The following DYM variants were observed in gnomAD, a reference collection of about 807,000 sequenced individuals.
DYM encodes dyggve-Melchior-Clausen syndrome protein.
Under a neutral mutation model 93.1 loss-of-function variants are expected in DYM, and 78 were observed. That is an observed-to-expected ratio of 0.84 (90% CI 0.70 to 1.01). The LOEUF (loss-of-function observed/expected upper bound fraction) is 1.01. Ranked by LOEUF, DYM falls within the 50% of genes least tolerant of loss-of-function variation. The pLI, the probability that DYM is intolerant of heterozygous loss-of-function variation, is 0.00. For synonymous variants in DYM, 321 were observed against 319.7 expected (o/e 1.00, Z -0.04); for missense variants, 789 against 845.0 (o/e 0.93, Z 0.82).
chr18:49,049,612 T>C (rs2072118484), intron 17 of DYM: 1 of 152,930 alleles, frequency 6.5e-6, no homozygotes, highest in Non-Finnish European at 1.5e-5. Context: ...ACAGAGTAAG[T>C]ACTTAATGAA....
chr18:49,298,249 C>A (rs1410076628), intron 8 of DYM, among the ~76,000 whole-genome samples: 1 of 152,130 alleles, frequency 6.6e-6, no homozygotes, highest in Non-Finnish European at 1.5e-5. Context: ...AAACTCATAG[C>A]ACAGTAAAAC....
intron 17 of DYM, among the ~76,000 whole-genome samples, chr18:49,050,638 CAGCCCAG>C (rs2072308847): frequency 6.6e-6 from 1 of 152,052 alleles, no homozygotes; most frequent in African/African-American, 2.4e-5. Flanking sequence ...AGTTCACAGA[CAGCCCAG>C]TAGGAAGCTC....
At chr18:49,314,459 C>T (rs945075125) in intron 8 of DYM, among the ~76,000 whole-genome samples, 6 of 152,122 alleles carry the variant, frequency 3.9e-5, no homozygotes, top group East Asian at 3.9e-4. Context: ...TACACACGTG[C>T]GAATTCCTAT....
chr18:49,240,234 C>T (rs1275427454), intron 13 of DYM, among the ~76,000 whole-genome samples: 1 of 152,148 alleles, frequency 6.6e-6, no homozygotes, highest in South Asian at 2.1e-4. Context: ...CCTATCTCAT[C>T]CTGAAAGGGC....
intron 12 of DYM, 92 bp downstream of exon 12, chr18:49,258,288 A>T: frequency 1.2e-6 from 1 of 859,430 alleles, no homozygotes; most frequent in South Asian, 1.4e-5. Context: ...ATGTCACGAG[A>T]ATTTTAGCAT....
At chr18:49,077,241 T>C (rs2077380406) in intron 17 of DYM, among the ~76,000 whole-genome samples, 1 of 152,218 alleles carries the variant, frequency 6.6e-6, no homozygotes, top group Non-Finnish European at 1.5e-5. Flanking sequence ...GAAAGCCCCT[T>C]CCTGTGCCTT....
chr18:49,338,034 A>G (rs1197448543), intron 6 of DYM, among the ~76,000 whole-genome samples: 2 of 152,232 alleles, frequency 1.3e-5, no homozygotes, highest in East Asian at 3.8e-4. Context: ...TGGAAAAAGT[A>G]TGTATATATT....
Position 49,386,431 on chromosome 18 carries a change from C to T in DYM, c.193+5162G>A, listed in dbSNP as rs181452626. 1.7e-4 allele frequency among the ~76,000 whole-genome samples: 26 copies of T among 152,286 alleles called. No homozygotes were observed. In the East Asian group the frequency reaches 5.0e-3, roughly 29 times the overall value. ...CATCAGTGATAAGTCATATTAATAGCATGTCCCCTTGATACGGTGTGTTGA... is the reference window on the plus strand; with the variant it reads ...CATCAGTGATAAGTCATATTAATAGTATGTCCCCTTGATACGGTGTGTTGA... On this transcript the variant is annotated intron_variant, in intron 3 of 17. Transcript: ENST00000675505.
chr18:49,090,670 A>G (rs1353239820), intron 17 of DYM, among the ~76,000 whole-genome samples: 1 of 152,180 alleles, frequency 6.6e-6, no homozygotes, highest in Admixed American at 6.5e-5. Flanking sequence ...TTGGACTCTC[A>G]TAGAGCCTGA....
In DYM at chr18:49,361,212, T is replaced by C. The variant is rs146273542; in HGVS notation, c.494+1949A>G. On this transcript the variant is annotated intron_variant, in intron 6 of 17. Coordinates refer to ENST00000675505, the MANE Select transcript of DYM (RefSeq NM_001353214.3). ...TTGAATGGGAAATTGTCCCATTTCC[T>C]TCCCTAGGCAATGACTCTTCAGCTG... Among the ~76,000 whole-genome samples the C allele has an allele frequency of 4.6e-3, 706 of 152,338 alleles. 6 individuals carry two copies. The highest frequency in any genetic ancestry group is 4.4e-3 in the Non-Finnish European group (299 of 68,024).
chr18:49,390,564 G>C (rs975816635), intron 3 of DYM, among the ~76,000 whole-genome samples: 1 of 151,794 alleles, frequency 6.6e-6, no homozygotes, highest in African/African-American at 2.4e-5. Context: ...CTGGAGTGCA[G>C]TGGCGCGATC....
At chr18:49,407,629 G>C (rs943715691) in intron 2 of DYM, among the ~76,000 whole-genome samples, 9 of 152,168 alleles carry the variant, frequency 5.9e-5, no homozygotes. Flanking sequence ...TCATCATCAG[G>C]GGATGGCGCT....
intron 8 of DYM, among the ~76,000 whole-genome samples, chr18:49,299,936 G>C (rs573987207): frequency 1.1e-4 from 16 of 150,858 alleles, no homozygotes; most frequent in Admixed American, 9.9e-4. Context: ...CCAGCTACTC[G>C]GGAGGCTGAA....
chr18:49,111,862 T>C (rs1035268203), intron 16 of DYM, among the ~76,000 whole-genome samples: 2 of 152,170 alleles, frequency 1.3e-5, no homozygotes, highest in Non-Finnish European at 2.9e-5. Flanking sequence ...TCTCTATGCC[T>C]GGGCCTAGGG....
intron 8 of DYM, among the ~76,000 whole-genome samples, chr18:49,292,592 G>GAAAACAAAACAAAACAAAACAAAAAA (rs1313701912): frequency 2.5e-5 from 2 of 78,790 alleles, no homozygotes; most frequent in African/African-American, 8.4e-5. Context: ...TTTCCTGTTG[G>GAAAACAAAACAAAACAAAACAAAAAA]AAAAAAAAAA....
intron 8 of DYM, among the ~76,000 whole-genome samples, chr18:49,316,236 C>T (rs1008130850): frequency 1.3e-5 from 2 of 152,054 alleles, no homozygotes; most frequent in Admixed American, 6.6e-5. Context: ...GAGCCAAGAT[C>T]GCGCCATTAT....
Position 49,125,035 on chromosome 18 carries a change from G to A in DYM, c.1729-6109C>T, listed in dbSNP as rs182268527. On this transcript the variant is annotated intron_variant, in intron 15 of 17. Coordinates refer to ENST00000675505, the MANE Select transcript of DYM (RefSeq NM_001353214.3). ...AGCACTTTGGGAGGCTGAGGCAGGC[G>A]GATCACGAGGTCAAGAGATCGAGAC... Among the ~76,000 whole-genome samples, 228 of 152,248 alleles carry A rather than the reference G, an allele frequency of 1.5e-3. 1 individual carries two copies. Among genetic ancestry groups the A allele is most frequent in the African/African-American group, 5.1e-3 (211 of 41,532 alleles).
intron 8 of DYM, among the ~76,000 whole-genome samples, chr18:49,293,998 T>G (rs1057218716): frequency 2.0e-5 from 3 of 152,168 alleles, no homozygotes; most frequent in African/African-American, 7.2e-5. Context: ...TTGTATAAGG[T>G]GTAAGGAAGG....
At chr18:49,170,067 G>T (rs140537030) in intron 14 of DYM, among the ~76,000 whole-genome samples, 34 of 152,136 alleles carry the variant, frequency 2.2e-4, no homozygotes, top group Admixed American at 1.4e-3. Flanking sequence ...GAGGGAGAGC[G>T]CTCAGGAAGA....
Sources: gnomAD v4.1 joint callset for allele counts (sites outside exome capture counted in the v4.1 genomes callset) on GRCh38, gnomAD v4.1.1 for gene constraint, MANE v1.5 for transcripts, NCBI Gene and HGNC (gene_info 2026-07-23, HGNC 2026-07-21) for gene names.